UNC5CL: variants seen among roughly 807,000 people sequenced by gnomAD.
UNC5CL encodes unc-5 family C-terminal like.
UNC5CL carries 42 observed loss-of-function variants against 54.1 expected under a neutral mutation model. That is an observed-to-expected ratio of 0.78 (90% CI 0.61 to 1.00). UNC5CL has a LOEUF of 1.00. UNC5CL is among the 50% of genes least tolerant of loss of function. UNC5CL has a pLI of 0.00. For synonymous variants in UNC5CL, 285 were observed against 285.1 expected (o/e 1.00, Z 0.00); for missense variants, 619 against 675.6 (o/e 0.92, Z 0.93).
rs1271440885 is a variant in UNC5CL, at chr6:41,027,111, G to A, written c.*1262C>T. On this transcript the variant is annotated 3_prime_UTR_variant, in exon 9 of 9. Coordinates refer to ENST00000244565, the MANE Select transcript of UNC5CL (RefSeq NM_173561.3). ...ATACAGTATCAAACACATAGTAGGT[G>A]CTGAATAAGTATCTGCTGACTGAAT... is the stretch of plus-strand genomic sequence containing the variant. The A allele has an allele frequency of 6.6e-6, 1 of 152,186 alleles. No homozygotes were observed. The highest frequency in any genetic ancestry group is 6.5e-5 in the Admixed American group (1 of 15,288). 9.4% of individuals were successfully genotyped at this position (152,186 alleles called of 1,614,324 possible).
rs560017569 is a variant in UNC5CL, at chr6:41,030,859, G to C, written c.1120-104C>G. The C allele has an allele frequency of 1.5e-4, 148 of 997,850 alleles. No individual in the cohort carries two copies. The African/African-American group carries it at 2.0e-3, about 14-fold the overall frequency. The allele number at this position is 997,850 out of a possible 1,614,324, so 61.8% of individuals were successfully genotyped here. A position where few individuals can be genotyped will look rare whatever the true frequency, so the allele number is the denominator to read the frequency against. The stretch of plus-strand genomic sequence containing the variant: ...ATTCCTCATGTCTCTCCTTCAGTCT[G>C]TCACTCAGAGCCACCTTACCAGGAG... On this transcript the variant is annotated intron_variant, in intron 6 of 8. Transcript: ENST00000244565.
At chr6:41,034,315 G>A in intron 2 of UNC5CL, 134 bp from the exon 3 acceptor site, 1 of 1,068,816 alleles carries the variant, frequency 9.4e-7, no homozygotes. Flanking sequence ...ACAGGGAAGT[G>A]GTATGAACAA....
Position 41,034,768 on chromosome 6 carries a change from A to G in UNC5CL, c.307T>C (p.Phe103Leu). Residue 103 changes from phenylalanine (F) to leucine (L), a missense_variant, in exon 2 of 9, where the codon TTT becomes CTT. Phe to Leu is a conservative substitution (Grantham distance 22). Transcript: ENST00000244565. ...VRQLMHKLLVFSAREVDHRGG... is the reference protein window; with the variant it reads ...VRQLMHKLLVLSAREVDHRGG... Reference sequence around the variant, plus strand: ...CGGTGATCCACCTCTCGAGCCGAAAACACCAACAGTTTGTGCATCAACTGG... The same window carrying G: ...CGGTGATCCACCTCTCGAGCCGAAAGCACCAACAGTTTGTGCATCAACTGG... 1 of 1,613,824 alleles carries G rather than the reference A, an allele frequency of 6.2e-7. No homozygotes were observed. Among genetic ancestry groups the G allele is most frequent in the Non-Finnish European group, 8.5e-7 (1 of 1,180,030 alleles).
At chr6:41,034,300 G>A in intron 2 of UNC5CL, 119 bp from the exon 3 acceptor site, 1 of 1,193,636 alleles carries the variant, frequency 8.4e-7, no homozygotes, top group Non-Finnish European at 1.2e-6. Context: ...CCCCCAGCAG[G>A]GCACACAGGG....
chr6:41,030,300 G>A (rs1367469080), intron 8 of UNC5CL, 88 bp downstream of exon 8: 1 of 1,273,006 alleles, frequency 7.9e-7, no homozygotes, highest in East Asian at 2.3e-5. Context: ...TCACTCCCTT[G>A]CCTGTGATCC....
Position 41,028,499 on chromosome 6 carries a change from G to C in UNC5CL, c.1431C>G (p.Val477=). ...CGGAGGCGCAGTCTAGCCGCTCCAT[G>C]ACGGTCATGAGGTAGTGCAGCTCCT... ...SLQELHYLMT[V]MERLDCASAI... Residue 477 remains valine, a synonymous_variant, in exon 9 of 9, where the codon GTC becomes GTG. Transcript: ENST00000244565. This position sits in a 1 kb window ranked among gnomAD's most constrained non-coding sequence, Gnocchi z 4.3. 4 of 1,613,914 alleles carry C rather than the reference G, an allele frequency of 2.5e-6. No homozygotes were observed. The highest frequency in any genetic ancestry group is 3.4e-6 in the Non-Finnish European group (4 of 1,180,024).
chr6:41,031,244 T>G (rs151204482), intron 6 of UNC5CL, among the ~76,000 whole-genome samples: 18 of 152,268 alleles, frequency 1.2e-4, no homozygotes, highest in Non-Finnish European at 2.2e-4. Context: ...AGAGGAGAGA[T>G]ACCTAACTCC....
intron 4 of UNC5CL, 66 bp downstream of exon 4, chr6:41,032,818 G>C: frequency 6.7e-7 from 1 of 1,491,754 alleles, no homozygotes; most frequent in Middle Eastern, 1.8e-4. Flanking sequence ...TCCAGGGGAG[G>C]CCCAGAACCC....
rs1486093510 is a variant in UNC5CL at position 41,027,552 on chromosome 6, A to G, written c.*821T>C. Reference sequence around the variant, plus strand: ...TCAGCTTTAATGTTTTCTGATAGAGAAAATGGCAGAGAGAGAGGAAGACAC... The same window carrying G: ...TCAGCTTTAATGTTTTCTGATAGAGGAAATGGCAGAGAGAGAGGAAGACAC... On this transcript the variant is annotated 3_prime_UTR_variant, in exon 9 of 9. Coordinates refer to ENST00000244565, the MANE Select transcript of UNC5CL (RefSeq NM_173561.3). The G allele has an allele frequency of 2.0e-5, 3 of 152,234 alleles. No homozygotes were observed. Among genetic ancestry groups the G allele is most frequent in the African/African-American group, 7.2e-5 (3 of 41,444 alleles). 9.4% of individuals were successfully genotyped at this position (152,234 alleles called of 1,614,324 possible).
Position 41,028,532 on chromosome 6 carries a change from G to T in UNC5CL, c.1398C>A (p.Gly466=). ...AILELFEEQN[G]SLQELHYLMT... ...TGAGGTAGTGCAGCTCCTGCAGGCT[G>T]CCGTTCTGCTCCTCAAACAACTCCA... Residue 466 remains glycine (G), a synonymous_variant, in exon 9 of 9, where the codon GGC becomes GGA. Transcript: ENST00000244565. The surrounding 1 kb of genome is among the most constrained non-coding windows in gnomAD (Gnocchi z 4.3). 1 of 1,613,890 alleles carries T rather than the reference G, an allele frequency of 6.2e-7. No individual in the cohort carries two copies. Among genetic ancestry groups the T allele is most frequent in the Non-Finnish European group, 8.5e-7 (1 of 1,180,016 alleles).
In UNC5CL at chr6:41,032,167, C is replaced by G. The variant is rs191837632; in HGVS notation, c.950-30G>C. ...TGAGTAGGCAGACAGCAGAGGGCCT[C>G]AGAGAGTGGGGCCTTAAACAAGTAT... On this transcript the variant is annotated intron_variant, in intron 4 of 8. Coordinates refer to ENST00000244565, the MANE Select transcript of UNC5CL (RefSeq NM_173561.3). 2.4e-5 allele frequency: 38 copies of G among 1,588,418 alleles called. No homozygotes were observed. In the Admixed American group the frequency reaches 4.7e-4, roughly 20 times the overall value.
chr6:41,030,335 C>T (rs1581975075), intron 8 of UNC5CL, 53 bp downstream of exon 8: 4 of 1,568,958 alleles, frequency 2.5e-6, no homozygotes, highest in African/African-American at 2.7e-5. Flanking sequence ...CCTGAGGAAC[C>T]CCATTCCAGC....
rs781716969 is a variant in UNC5CL, at chr6:41,034,910, C to T, written c.165G>A (p.Gln55=). ...CCTCATTTTCTAGTTGGGGGGTAGG[C>T]TGGGACACTGGTTCCTCTTGACCAT... ...TLNGQEEPVS[Q]PTPQLENEVS... is the part of the protein sequence containing the mutation. Residue 55 remains glutamine, a synonymous_variant, in exon 2 of 9, where the codon CAG becomes CAA. Transcript: ENST00000244565. 18 of 1,614,070 alleles carry T rather than the reference C, an allele frequency of 1.1e-5. No homozygotes were observed. The highest frequency in any genetic ancestry group is 1.4e-5 in the Non-Finnish European group (17 of 1,180,044).
chr6:41,033,023 G>A lies in UNC5CL; in HGVS notation c.810C>T (p.Leu270=), dbSNP rs1184840735. The change falls in exon 4 of 9, where the codon CTC becomes CTT. Residue 270 remains leucine (L), a synonymous_variant. Coordinates refer to ENST00000244565, the MANE Select transcript of UNC5CL (RefSeq NM_173561.3). ...QSHLQLRIYF[L]NNTPCALQWA... ...ACTGCAGGGCGCAGGGCGTGTTGTT[G>A]AGGAAGTAGATACGCAGTTGCAGAT... 3.1e-6 allele frequency: 5 copies of A among 1,609,576 alleles called. No homozygotes were observed. The highest frequency in any genetic ancestry group is 4.2e-6 in the Non-Finnish European group (5 of 1,177,992).
intron 1 of UNC5CL, among the ~76,000 whole-genome samples, chr6:41,036,693 G>T (rs753914278): frequency 2.0e-5 from 3 of 151,284 alleles, no homozygotes; most frequent in Non-Finnish European, 2.9e-5. Context: ...AGGCCTGAAG[G>T]TAGCTCACAG....
intron 3 of UNC5CL, 107 bp downstream of exon 3, chr6:41,033,774 C>T (rs1028641428): frequency 1.4e-5 from 19 of 1,314,704 alleles, no homozygotes; most frequent in Middle Eastern, 3.8e-4. Context: ...ATTTGCAGAC[C>T]ATCTTCTATA....
chr6:41,032,276 G>A, intron 4 of UNC5CL, 139 bp from the exon 5 acceptor site: 1 of 702,180 alleles, frequency 1.4e-6, no homozygotes. Context: ...CCTGGGCTGG[G>A]ACCCCAAGAG....
chr6:41,033,021 T>C lies in UNC5CL; in HGVS notation c.812A>G (p.Asn271Ser), dbSNP rs939998716. ...SHLQLRIYFL[N>S]NTPCALQWAL... Reference sequence around the variant, plus strand: ...CCACTGCAGGGCGCAGGGCGTGTTGTTGAGGAAGTAGATACGCAGTTGCAG... The same window carrying C: ...CCACTGCAGGGCGCAGGGCGTGTTGCTGAGGAAGTAGATACGCAGTTGCAG... The change falls in exon 4 of 9, where the codon AAC becomes AGC. Residue 271 changes from asparagine (N) to serine (S), a missense_variant. Physicochemically the swap from Asn to Ser is conservative, Grantham distance 46. Transcript: ENST00000244565. The C allele has an allele frequency of 2.5e-6, 4 of 1,609,570 alleles. No individual in the cohort carries two copies. The highest frequency in any genetic ancestry group is 3.4e-6 in the Non-Finnish European group (4 of 1,177,986).
intron 4 of UNC5CL, 99 bp from the exon 5 acceptor site, chr6:41,032,236 A>T: frequency 1.1e-6 from 1 of 942,976 alleles, no homozygotes; most frequent in Non-Finnish European, 1.6e-6. Flanking sequence ...CAAAGGCAGG[A>T]GGGTCTCAAG....
Sources: gnomAD v4.1 joint callset for allele counts (sites outside exome capture counted in the v4.1 genomes callset) on GRCh38, gnomAD v4.1.1 for gene constraint, Gnocchi (gnomAD v3.1) non-coding constraint, MANE v1.5 for transcripts, NCBI Gene and HGNC (gene_info 2026-07-23, HGNC 2026-07-21) for gene names.